The following RIC1 variants were observed in gnomAD, a reference collection of about 807,000 sequenced individuals.
The protein encoded by RIC1 is guanine nucleotide exchange factor subunit RIC1.
A neutral mutation model predicts 169.0 loss-of-function variants in RIC1; 88 were observed. The ratio of observed to expected loss-of-function variants is 0.52; its 90% CI spans 0.44 to 0.62. The LOEUF (loss-of-function observed/expected upper bound fraction) is 0.62, where lower values mean the gene tolerates loss of function less well. Among genes scored for constraint, RIC1 ranks in the 20% least tolerant of loss-of-function variants. The pLI is 0.00. For missense variants in RIC1, 1,877 were observed against 1,725.5 expected (o/e 1.09, Z -1.56); for synonymous variants, 790 against 601.5 (o/e 1.31, Z -4.59).
chr9:5,630,967 A>G (rs1281636151), intron 1 of RIC1, among the ~76,000 whole-genome samples: 2 of 152,234 alleles, frequency 1.3e-5, no homozygotes, highest in Non-Finnish European at 2.9e-5. Context: ...TTTGAATGTA[A>G]CAAATTTAGA....
intron 3 of RIC1, among the ~76,000 whole-genome samples, chr9:5,703,035 C>T (rs1822334278): frequency 6.6e-6 from 1 of 152,150 alleles, no homozygotes. Context: ...CCCTTGTCCC[C>T]TGCCAAATCT....
intron 2 of RIC1, among the ~76,000 whole-genome samples, chr9:5,664,862 T>A (rs1410567444): frequency 2.0e-5 from 3 of 152,224 alleles, no homozygotes; most frequent in African/African-American, 7.2e-5. Context: ...CAAGATAGTC[T>A]TCAAGCTCTG....
In RIC1 at chr9:5,773,005, C is replaced by T. The variant is rs1236301202; in HGVS notation, c.3908C>T (p.Ser1303Leu). The T allele has an allele frequency of 1.2e-6, 2 of 1,613,696 alleles. No homozygotes were observed. Among genetic ancestry groups the T allele is most frequent in the Non-Finnish European group, 1.7e-6 (2 of 1,179,768 alleles). The change falls in exon 25 of 26, where the codon TCA becomes TTA. Residue 1303 changes from serine to leucine, a missense_variant. By Grantham distance (145) the Ser-to-Leu change is moderately radical (BLOSUM62 -2). Coordinates refer to ENST00000414202, the MANE Select transcript of RIC1 (RefSeq NM_020829.4). Reference sequence around the variant, plus strand: ...CAGATTTTGGTTATTACACAGTCTTCAGAGGTAGATGGAGAGATGTTACAG... The same window carrying T: ...CAGATTTTGGTTATTACACAGTCTTTAGAGGTAGATGGAGAGATGTTACAG... ...INQILVITQS[S>L]EVDGEMLQNI...
chr9:5,732,573 T>TA, intron 7 of RIC1, 94 bp downstream of exon 7: 2 of 688,580 alleles, frequency 2.9e-6, no homozygotes, highest in East Asian at 5.5e-5. Flanking sequence ...AACATACTTA[T>TA]AAACTGCATC....
At chr9:5,708,889 C>T (rs752330834) in intron 3 of RIC1, among the ~76,000 whole-genome samples, 1 of 151,914 alleles carries the variant, frequency 6.6e-6, no homozygotes, top group Non-Finnish European at 1.5e-5. Context: ...GATGTTGTTC[C>T]CATAAGTCTT....
intron 2 of RIC1, among the ~76,000 whole-genome samples, chr9:5,666,963 G>A (rs887902540): frequency 4.6e-5 from 7 of 152,020 alleles, no homozygotes; most frequent in African/African-American, 1.7e-4. Flanking sequence ...TCTGATTTTT[G>A]TGATTTGAAT....
intron 8 of RIC1, among the ~76,000 whole-genome samples, chr9:5,739,710 G>C (rs1296589819): frequency 6.6e-6 from 1 of 152,184 alleles, no homozygotes; most frequent in Non-Finnish European, 1.5e-5. Context: ...GCTAATGGCA[G>C]CATGGGTCCA....
intron 2 of RIC1, among the ~76,000 whole-genome samples, chr9:5,680,020 T>G (rs529644125): frequency 8.7e-4 from 133 of 152,362 alleles, no homozygotes; most frequent in African/African-American, 3.1e-3. Flanking sequence ...ATCCCATCAA[T>G]ACCTAATTTA....
At chr9:5,723,008 A>T (rs1410913296) in intron 6 of RIC1, among the ~76,000 whole-genome samples, 1 of 152,234 alleles carries the variant, frequency 6.6e-6, no homozygotes, top group Non-Finnish European at 1.5e-5. Context: ...ATAGTGCCAC[A>T]ATAAACATAC....
intron 3 of RIC1, among the ~76,000 whole-genome samples, chr9:5,701,429 T>C (rs970199565): frequency 6.6e-6 from 1 of 151,940 alleles, no homozygotes; most frequent in Admixed American, 6.6e-5. Flanking sequence ...CTGACCAACA[T>C]AGCAGAACCC....
At chr9:5,641,015 G>C (rs911672648) in intron 1 of RIC1, among the ~76,000 whole-genome samples, 31 of 151,214 alleles carry the variant, frequency 2.1e-4, no homozygotes, top group African/African-American at 6.3e-4. Context: ...CTTTTCTCTT[G>C]CCGTTTTTAG....
intron 25 of RIC1, 32 bp from the exon 26 acceptor site, chr9:5,773,926 C>T (rs1216036452): frequency 2.0e-6 from 3 of 1,525,964 alleles, no homozygotes; most frequent in Non-Finnish European, 2.6e-6. Flanking sequence ...TGAATTATGG[C>T]AGATGAGCTA....
At chr9:5,765,829 T>C in intron 21 of RIC1, 31 bp downstream of exon 21, 1 of 1,611,862 alleles carries the variant, frequency 6.2e-7, no homozygotes, top group Non-Finnish European at 8.5e-7. Context: ...TACTGCTTTT[T>C]GGGCATTCAT....
intron 1 of RIC1, among the ~76,000 whole-genome samples, chr9:5,652,579 TTTG>T (rs1165644209): frequency 1.3e-5 from 2 of 152,186 alleles, no homozygotes; most frequent in Non-Finnish European, 1.5e-5. Flanking sequence ...ACTGAATTAT[TTTG>T]TTCTACCACT....
At chr9:5,704,341 G>A (rs768863930) in intron 3 of RIC1, among the ~76,000 whole-genome samples, 3 of 151,860 alleles carry the variant, frequency 2.0e-5, no homozygotes, top group Non-Finnish European at 4.4e-5. Flanking sequence ...CACCAGAGTA[G>A]CTGGGACTAC....
At chr9:5,703,695 T>C (rs1019790439) in intron 3 of RIC1, among the ~76,000 whole-genome samples, 3 of 152,288 alleles carry the variant, frequency 2.0e-5, no homozygotes, top group African/African-American at 4.8e-5. Context: ...TGTTTTAGCA[T>C]GTATCAGTAC....
chr9:5,710,961 A>G (rs2130816253), intron 3 of RIC1, among the ~76,000 whole-genome samples: 1 of 152,322 alleles, frequency 6.6e-6, no homozygotes, highest in South Asian at 2.1e-4. Context: ...AGTTGTAGAA[A>G]GAGAGAACAG....
chr9:5,736,138 G>C (rs1395020478), intron 7 of RIC1, among the ~76,000 whole-genome samples: 4 of 152,146 alleles, frequency 2.6e-5, no homozygotes, highest in Non-Finnish European at 5.9e-5. Flanking sequence ...TAACATTTTA[G>C]AGCTCAGCAA....
rs1347800413 is a variant in RIC1, at chr9:5,775,762, A to C, written c.*1516A>C. 1 of 152,230 alleles carries C rather than the reference A, an allele frequency of 6.6e-6. No individual in the cohort carries two copies. Among genetic ancestry groups the C allele is most frequent in the Admixed American group, 6.5e-5 (1 of 15,280 alleles). The allele number at this position is 152,230 out of a possible 1,614,324, so 9.4% of individuals were successfully genotyped here. On this transcript the variant is annotated 3_prime_UTR_variant, in exon 26 of 26. Coordinates refer to ENST00000414202, the MANE Select transcript of RIC1 (RefSeq NM_020829.4). Reference sequence around the variant, plus strand: ...TTAAAATTACTGAGTTGGGTAATTTACTATCATTTACTTTTTACATTACAA... The same window carrying C: ...TTAAAATTACTGAGTTGGGTAATTTCCTATCATTTACTTTTTACATTACAA...
Sources: allele counts gnomAD v4.1 joint callset (sites outside exome capture counted in the v4.1 genomes callset), GRCh38; gene constraint gnomAD v4.1.1; transcripts MANE v1.5; gene names NCBI Gene and HGNC (gene_info 2026-07-23, HGNC 2026-07-21).